Variants in COMMD10 observed in about 807,000 individuals in gnomAD.
COMMD10 encodes COMM domain containing 10.
In COMMD10, 33 loss-of-function variants were observed where a neutral mutation model predicts 28.9. The observed-to-expected ratio is 1.14, with a 90% confidence interval of 0.87 to 1.53. The LOEUF is 1.53. Among genes scored for constraint, COMMD10 ranks in the 40% most tolerant of loss-of-function variants. The pLI is 0.00. For missense variants in COMMD10, 310 were observed against 233.4 expected (o/e 1.33, Z -2.14); for synonymous variants, 110 against 81.7 (o/e 1.35, Z -1.87).
At chr5:116,169,447 T>G (rs1025055019) in intron 5 of COMMD10, among the ~76,000 whole-genome samples, 1 of 152,160 alleles carries the variant, frequency 6.6e-6, no homozygotes, top group Admixed American at 6.5e-5. Flanking sequence ...CGGAAACTAT[T>G]CTGAACAATA....
chr5:116,172,062 G>A (rs1460209408), intron 5 of COMMD10, among the ~76,000 whole-genome samples: 1 of 152,070 alleles, frequency 6.6e-6, no homozygotes, highest in African/African-American at 2.4e-5. Context: ...TTGCTTAGTG[G>A]TATGTCCAGA....
At chr5:116,216,216 A>G (rs547646522) in intron 5 of COMMD10, among the ~76,000 whole-genome samples, 1 of 152,302 alleles carries the variant, frequency 6.6e-6, no homozygotes, top group Non-Finnish European at 1.5e-5. Context: ...ATTACACAAG[A>G]TCTTTATTAT....
chr5:116,161,077 C>G (rs145135134), intron 5 of COMMD10, among the ~76,000 whole-genome samples: 1 of 151,862 alleles, frequency 6.6e-6, no homozygotes, highest in South Asian at 2.1e-4. Flanking sequence ...GCCCATGAAG[C>G]CTGCCGGTTG....
chr5:116,122,858 C>T (rs990238298), intron 4 of COMMD10, among the ~76,000 whole-genome samples: 2 of 152,160 alleles, frequency 1.3e-5, no homozygotes, highest in East Asian at 3.8e-4. Flanking sequence ...AATTGCTTAT[C>T]AGCTTAAGGA....
At chr5:116,140,592 C>G (rs1416444466) in intron 5 of COMMD10, among the ~76,000 whole-genome samples, 10 of 151,648 alleles carry the variant, frequency 6.6e-5, no homozygotes, top group African/African-American at 2.4e-4. Context: ...TTTGTTGTCT[C>G]TTGTCTTTTT....
intron 5 of COMMD10, among the ~76,000 whole-genome samples, chr5:116,242,120 G>T (rs1437863705): frequency 6.6e-6 from 1 of 152,148 alleles, no homozygotes; most frequent in African/African-American, 2.4e-5. Context: ...GAAGGTGAAT[G>T]CCGATAGCTG....
At chr5:116,170,248 A>G (rs955726567) in intron 5 of COMMD10, among the ~76,000 whole-genome samples, 2 of 152,218 alleles carry the variant, frequency 1.3e-5, no homozygotes, top group Non-Finnish European at 2.9e-5. Flanking sequence ...ATTGCTACAG[A>G]GAGAACAAAA....
chr5:116,184,400 C>A (rs1748074039), intron 5 of COMMD10, among the ~76,000 whole-genome samples: 2 of 150,286 alleles, frequency 1.3e-5, no homozygotes, highest in Admixed American at 6.6e-5. Context: ...TTCTCATGAT[C>A]CTATTATTTA....
At chr5:116,207,269 C>A (rs961793734) in intron 5 of COMMD10, among the ~76,000 whole-genome samples, 1 of 152,084 alleles carries the variant, frequency 6.6e-6, no homozygotes, top group Admixed American at 6.6e-5. Context: ...TGTTTTATAT[C>A]AATATGAACT....
chr5:116,203,765 G>T (rs1050010648), intron 5 of COMMD10, among the ~76,000 whole-genome samples: 40 of 151,916 alleles, frequency 2.6e-4, no homozygotes, highest in Non-Finnish European at 7.4e-5. Flanking sequence ...AGGCACAACT[G>T]GTACCAGCCA....
At chr5:116,286,991 C>A (rs1751234855) in intron 5 of COMMD10, among the ~76,000 whole-genome samples, 2 of 151,780 alleles carry the variant, frequency 1.3e-5, no homozygotes, top group African/African-American at 4.9e-5. Context: ...CAAATTTCTT[C>A]AATCCTGCCA....
chr5:116,088,347 T>C (rs997344483), intron 2 of COMMD10, among the ~76,000 whole-genome samples: 1 of 152,236 alleles, frequency 6.6e-6, no homozygotes. Context: ...CTTTAGTACC[T>C]CTTTTTTAGA....
chr5:116,162,642 A>C (rs1380815999), intron 5 of COMMD10, among the ~76,000 whole-genome samples: 1 of 152,216 alleles, frequency 6.6e-6, no homozygotes, highest in East Asian at 1.9e-4. Flanking sequence ...AATTTGGTTG[A>C]AAACGTTAAA....
intron 5 of COMMD10, among the ~76,000 whole-genome samples, chr5:116,283,986 C>T (rs992260973): frequency 2.6e-5 from 4 of 151,462 alleles, no homozygotes; most frequent in Admixed American, 6.6e-5. Context: ...AAATAACTTA[C>T]TGGGTGTGGA....
intron 5 of COMMD10, among the ~76,000 whole-genome samples, chr5:116,171,705 A>G (rs898226187): frequency 6.6e-6 from 1 of 152,150 alleles, no homozygotes; most frequent in African/African-American, 2.4e-5. Flanking sequence ...GGAAACCATC[A>G]TTCTGAGCAA....
At chr5:116,285,782 G>C (rs1751204083) in intron 5 of COMMD10, among the ~76,000 whole-genome samples, 1 of 151,774 alleles carries the variant, frequency 6.6e-6, no homozygotes, top group South Asian at 2.1e-4. Context: ...CTAGTGTTTT[G>C]TTGAGGATTT....
intron 5 of COMMD10, among the ~76,000 whole-genome samples, chr5:116,191,382 C>T (rs972376548): frequency 2.6e-5 from 4 of 151,562 alleles, no homozygotes; most frequent in South Asian, 2.1e-4. Flanking sequence ...AACTGGGTGG[C>T]GGATAGCCTG....
intron 5 of COMMD10, among the ~76,000 whole-genome samples, chr5:116,258,271 T>C (rs1750345459): frequency 6.6e-6 from 1 of 151,020 alleles, no homozygotes; most frequent in African/African-American, 2.4e-5. Context: ...ATTCCTCCCC[T>C]AGATAAGATC....
At chr5:116,139,079 G>A (rs570875483) in intron 5 of COMMD10, among the ~76,000 whole-genome samples, 2 of 151,704 alleles carry the variant, frequency 1.3e-5, no homozygotes, top group South Asian at 2.1e-4. Context: ...TCAGTAGGAT[G>A]CTGTATCACC....
Sources: allele counts gnomAD v4.1 joint callset (sites outside exome capture counted in the v4.1 genomes callset), GRCh38; gene constraint gnomAD v4.1.1; transcripts MANE v1.5; gene names NCBI Gene and HGNC (gene_info 2026-07-23, HGNC 2026-07-21).